The following SUCLG2 variants were observed in gnomAD, a reference collection of about 807,000 sequenced individuals.
The protein encoded by SUCLG2 is succinate-CoA ligase GDP-forming subunit beta.
SUCLG2 carries 42 observed loss-of-function variants against 47.9 expected under a neutral mutation model. The ratio of observed to expected loss-of-function variants is 0.88; its 90% confidence interval spans 0.69 to 1.14. SUCLG2 has a LOEUF of 1.14. Among genes scored for constraint, SUCLG2 ranks in the 50% most tolerant of loss-of-function variants. SUCLG2 has a pLI of 0.00. For synonymous variants in SUCLG2, 195 were observed against 197.3 expected (o/e 0.99, Z 0.10); for missense variants, 571 against 525.9 (o/e 1.09, Z -0.84).
chr3:67,547,907 C>T (rs776494910), intron 2 of SUCLG2, among the ~76,000 whole-genome samples: 3 of 152,102 alleles, frequency 2.0e-5, no homozygotes, highest in African/African-American at 4.8e-5. Context: ...CCCCTTACAC[C>T]GCCTCCAGTA....
At chr3:67,478,686 T>C (rs1313829495) in intron 9 of SUCLG2, among the ~76,000 whole-genome samples, 1 of 152,092 alleles carries the variant, frequency 6.6e-6, no homozygotes. Flanking sequence ...ACAGAACAAG[T>C]AAGTGAGTGG....
At chr3:67,601,587 C>T (rs553552777) in intron 2 of SUCLG2, among the ~76,000 whole-genome samples, 1 of 152,190 alleles carries the variant, frequency 6.6e-6, no homozygotes, top group South Asian at 2.1e-4. Flanking sequence ...GAGTCAAAGG[C>T]CCCCAGGGTA....
intron 2 of SUCLG2, among the ~76,000 whole-genome samples, chr3:67,543,409 G>A (rs1706770636): frequency 6.6e-6 from 1 of 152,166 alleles, no homozygotes; most frequent in Admixed American, 6.5e-5. Flanking sequence ...TGAGGCCGAG[G>A]CAGGTGGGTT....
chr3:67,470,726 T>C (rs1704583983), intron 9 of SUCLG2, among the ~76,000 whole-genome samples: 1 of 152,236 alleles, frequency 6.6e-6, no homozygotes, highest in Admixed American at 6.5e-5. Context: ...TCCCAGCCTC[T>C]AGAACTGTAA....
chr3:67,621,313 T>C (rs1037187695), intron 1 of SUCLG2, among the ~76,000 whole-genome samples: 5 of 151,804 alleles, frequency 3.3e-5, no homozygotes, highest in African/African-American at 1.2e-4. Flanking sequence ...GTGGATTAGA[T>C]GTGGGTTTAA....
intron 2 of SUCLG2, among the ~76,000 whole-genome samples, chr3:67,599,289 T>C (rs557873603): frequency 6.6e-6 from 1 of 152,062 alleles, no homozygotes; most frequent in South Asian, 2.1e-4. Context: ...AAAGAAAGAA[T>C]TTGGACGAAG....
At chr3:67,496,357 T>C (rs1389898789) in intron 8 of SUCLG2, among the ~76,000 whole-genome samples, 3 of 152,204 alleles carry the variant, frequency 2.0e-5, no homozygotes, top group Non-Finnish European at 4.4e-5. Flanking sequence ...CTTTTTAATA[T>C]ACTTTAAGAG....
chr3:67,438,770 AGGATCAGAC>A (rs994164509), intron 9 of SUCLG2, among the ~76,000 whole-genome samples: 56 of 152,302 alleles, frequency 3.7e-4, no homozygotes, highest in African/African-American at 1.3e-3. Context: ...AAAAACATCA[AGGATCAGAC>A]GGATTCACGG....
chr3:67,373,085 G>A (rs955068959), downstream of SUCLG2, among the ~76,000 whole-genome samples: 2 of 151,982 alleles, frequency 1.3e-5, no homozygotes, highest in Admixed American at 1.3e-4. Context: ...TCCCCACATT[G>A]TTTCCTTCCC....
At chr3:67,418,038 G>T (rs1331518137) in intron 9 of SUCLG2, among the ~76,000 whole-genome samples, 1 of 152,176 alleles carries the variant, frequency 6.6e-6, no homozygotes, top group Non-Finnish European at 1.5e-5. Flanking sequence ...TCGAGGAGCT[G>T]TAAAATTCTA....
intron 9 of SUCLG2, among the ~76,000 whole-genome samples, chr3:67,417,383 C>T (rs1703060988): frequency 6.6e-6 from 1 of 152,218 alleles, no homozygotes; most frequent in Non-Finnish European, 1.5e-5. Context: ...TGCATGTCTG[C>T]AATTTTCTTC....
chr3:67,457,684 CTTTTTT>C (rs71109889), intron 9 of SUCLG2, among the ~76,000 whole-genome samples: 373 of 65,516 alleles, frequency 5.7e-3, no homozygotes, highest in Non-Finnish European at 8.3e-3. Flanking sequence ...ACAAAAGCAG[CTTTTTT>C]TTTTTTTTTT....
At chr3:67,512,987 G>GAT (rs1559553637) in intron 6 of SUCLG2, among the ~76,000 whole-genome samples, 1 of 149,368 alleles carries the variant, frequency 6.7e-6, no homozygotes, top group Non-Finnish European at 1.5e-5. Context: ...AATACGTATA[G>GAT]ATATATATAG....
intron 9 of SUCLG2, among the ~76,000 whole-genome samples, chr3:67,477,515 C>G (rs1208479105): frequency 6.6e-6 from 1 of 152,124 alleles, no homozygotes; most frequent in Non-Finnish European, 1.5e-5. Context: ...GCCAACATGG[C>G]AAAACCCCGT....
rs569366147 is a variant in SUCLG2 at position 67,425,120 on chromosome 3, T to C, written c.1063-24269A>G. Among the ~76,000 whole-genome samples the C allele has an allele frequency of 1.2e-4, 18 of 152,292 alleles. No homozygotes were observed. In the South Asian group the frequency reaches 3.7e-3, roughly 32 times the overall value. ...TCAATGTCATATAAGATTACTATGA[T>C]TTATGGCTTCCTAACTGACTTATGA... On this transcript the variant is annotated intron_variant, in intron 9 of 10. Coordinates refer to ENST00000307227, the MANE Select transcript of SUCLG2 (RefSeq NM_003848.4).
At chr3:67,516,288 T>C (rs925935054) in intron 6 of SUCLG2, among the ~76,000 whole-genome samples, 6 of 152,216 alleles carry the variant, frequency 3.9e-5, no homozygotes, top group Admixed American at 3.3e-4. Context: ...TTCTCACATA[T>C]TCGTCTTCCT....
intron 1 of SUCLG2, among the ~76,000 whole-genome samples, chr3:67,620,592 AAAAAAAAAAAAG>A (rs1270029279): frequency 6.6e-6 from 1 of 151,266 alleles, no homozygotes; most frequent in African/African-American, 2.4e-5. Context: ...CTCAAAAAAA[AAAAAAAAAAAAG>A]AAAGAAAAAA....
intron 1 of SUCLG2, among the ~76,000 whole-genome samples, chr3:67,648,010 C>T (rs1029970390): frequency 6.6e-6 from 1 of 152,184 alleles, no homozygotes; most frequent in Non-Finnish European, 1.5e-5. Context: ...AAAAGACCAG[C>T]GAATTTAGCT....
chr3:67,593,135 T>C (rs942534477), intron 2 of SUCLG2, among the ~76,000 whole-genome samples: 5 of 152,242 alleles, frequency 3.3e-5, no homozygotes, highest in African/African-American at 1.2e-4. Flanking sequence ...GTTTTAAAGA[T>C]AGATACCACA....
Sources: gnomAD v4.1 joint callset for allele counts (sites outside exome capture counted in the v4.1 genomes callset) on GRCh38, gnomAD v4.1.1 for gene constraint, MANE v1.5 for transcripts, NCBI Gene and HGNC (gene_info 2026-07-23, HGNC 2026-07-21) for gene names.